The following SNTG1 variants were observed in gnomAD, a reference collection of about 807,000 sequenced individuals.
The protein encoded by SNTG1 is gamma-1-syntrophin.
In SNTG1, 39 loss-of-function variants were observed where a neutral mutation model predicts 74.7. The observed-to-expected ratio is 0.52, with a 90% CI of 0.40 to 0.68. The LOEUF is 0.68. Among genes scored for constraint, SNTG1 ranks in the 30% least tolerant of loss-of-function variants. The probability of loss-of-function intolerance (pLI) is 0.00; values close to 1 mark genes in which losing one functional copy is unlikely to be tolerated. For synonymous variants in SNTG1, 254 were observed against 217.1 expected, an observed-to-expected ratio of 1.17 and a Z score of -1.49; for missense variants, 685 against 609.5, an observed-to-expected ratio of 1.12 and a Z score of -1.30.
intron 2 of SNTG1, among the ~76,000 whole-genome samples, chr8:50,356,854 T>C (rs775732294): frequency 3.3e-5 from 5 of 152,192 alleles, no homozygotes; most frequent in African/African-American, 4.8e-5. Context: ...AAATAACTCA[T>C]TGGGATTCAT....
In SNTG1 at chr8:50,658,641, A is replaced by G; in HGVS notation, c.1016A>G (p.Glu339Gly). The change falls in exon 15 of 19, where the codon GAG (glutamate) becomes GGG (glycine). Residue 339 changes from glutamate to glycine, a missense_variant. By Grantham distance (98) the Glu-to-Gly change is moderately conservative (BLOSUM62 -2). Transcript: ENST00000642720. ...TRAEKTFSVY[E>G]IMCKILKDSD... ...GCAGAGAAAACATTCTCAGTTTATGAGATTATGTGCAAGATCCTCAAGGTA... is the reference window on the plus strand; with the variant it reads ...GCAGAGAAAACATTCTCAGTTTATGGGATTATGTGCAAGATCCTCAAGGTA... 6.2e-7 allele frequency: 1 copy of G among 1,610,666 alleles called. No homozygotes were observed. Among genetic ancestry groups the G allele is most frequent in the Non-Finnish European group, 8.5e-7 (1 of 1,177,664 alleles).
chr8:50,759,134 T>A (rs2095590001), intron 18 of SNTG1, among the ~76,000 whole-genome samples: 1 of 152,140 alleles, frequency 6.6e-6, no homozygotes, highest in African/African-American at 2.4e-5. Context: ...GTTCATATAG[T>A]TTGCCAATTT....
At chr8:50,014,241 C>T (rs1165002832) in intron 1 of SNTG1, among the ~76,000 whole-genome samples, 1 of 152,054 alleles carries the variant, frequency 6.6e-6, no homozygotes, top group African/African-American at 2.4e-5. Context: ...ATATTTTGTC[C>T]AAATCTGTAG....
chr8:50,269,423 G>T lies in SNTG1; in HGVS notation c.-28+96788G>T, dbSNP rs1563823918. ...TGATTTTATTACTGTCATAATTATG[G>T]TCATGATAGTGTATAAGTTTGCCCA... On this transcript the variant is annotated intron_variant, in intron 2 of 18. Transcript: ENST00000642720. 5.3e-5 allele frequency among the ~76,000 whole-genome samples: 8 copies of T among 152,178 alleles called. No homozygotes were observed. In the South Asian group the frequency reaches 8.3e-4, roughly 16 times the overall value.
intron 4 of SNTG1, among the ~76,000 whole-genome samples, chr8:50,424,382 A>G: frequency 6.6e-6 from 1 of 152,232 alleles, no homozygotes; most frequent in East Asian, 1.9e-4. Context: ...GAAGCTCCTC[A>G]GCATCTGTAA....
chr8:49,977,682 CAATA>C (rs373039733), intron 1 of SNTG1, among the ~76,000 whole-genome samples: 2 of 152,212 alleles, frequency 1.3e-5, no homozygotes, highest in East Asian at 3.9e-4. Flanking sequence ...TCAAAGGAGA[CAATA>C]AATAAATAAA....
chr8:50,141,592 C>T (rs1048670266), intron 1 of SNTG1, among the ~76,000 whole-genome samples: 5 of 152,088 alleles, frequency 3.3e-5, no homozygotes, highest in Non-Finnish European at 7.4e-5. Context: ...TAAAATGGAA[C>T]ATTTTGAGTA....
intron 1 of SNTG1, among the ~76,000 whole-genome samples, chr8:50,042,863 G>C (rs531950201): frequency 6.6e-6 from 1 of 152,236 alleles, no homozygotes; most frequent in South Asian, 2.1e-4. Context: ...TCTCAAAGCA[G>C]TGGGATTATA....
intron 18 of SNTG1, among the ~76,000 whole-genome samples, chr8:50,786,711 A>C (rs924140119): frequency 3.9e-5 from 6 of 151,994 alleles, no homozygotes; most frequent in Non-Finnish European, 8.8e-5. Flanking sequence ...ACTGTCTTTT[A>C]CCGTGCTTTT....
At chr8:50,135,851 A>G (rs1177142958) in intron 1 of SNTG1, among the ~76,000 whole-genome samples, 4 of 152,150 alleles carry the variant, frequency 2.6e-5, no homozygotes, top group African/African-American at 9.7e-5. Context: ...TTTGTCTCCC[A>G]GGTAACGAAC....
intron 2 of SNTG1, among the ~76,000 whole-genome samples, chr8:50,254,172 A>T (rs1350662126): frequency 6.6e-6 from 1 of 152,196 alleles, no homozygotes; most frequent in East Asian, 1.9e-4. Flanking sequence ...AAATATGTAT[A>T]ATTACAAGAT....
At chr8:50,262,222 A>G (rs1412363786) in intron 2 of SNTG1, among the ~76,000 whole-genome samples, 1 of 152,234 alleles carries the variant, frequency 6.6e-6, no homozygotes, top group Non-Finnish European at 1.5e-5. Flanking sequence ...ATGTAAATGT[A>G]TAACATTGAG....
intron 1 of SNTG1, among the ~76,000 whole-genome samples, chr8:49,980,273 C>T (rs1442560186): frequency 6.6e-6 from 1 of 152,098 alleles, no homozygotes; most frequent in Non-Finnish European, 1.5e-5. Context: ...GCCTGCTTGA[C>T]GTTGTAAAGA....
intron 11 of SNTG1, among the ~76,000 whole-genome samples, chr8:50,539,573 G>A (rs2094331738): frequency 6.6e-6 from 1 of 152,172 alleles, no homozygotes; most frequent in African/African-American, 2.4e-5. Context: ...TGATGATGGT[G>A]GGAGAGACTC....
At chr8:50,409,111 T>C (rs981008796) in intron 4 of SNTG1, among the ~76,000 whole-genome samples, 9 of 152,108 alleles carry the variant, frequency 5.9e-5, no homozygotes, top group Admixed American at 3.3e-4. Flanking sequence ...GAGTTTATAG[T>C]AGAAGTCAAG....
chr8:50,075,152 C>T (rs555152309), intron 1 of SNTG1, among the ~76,000 whole-genome samples: 8 of 152,292 alleles, frequency 5.3e-5, no homozygotes, highest in African/African-American at 7.2e-5. Flanking sequence ...CCGCCTCCCC[C>T]CTGTGGGCTC....
chr8:50,272,949 A>G (rs1011679), intron 2 of SNTG1, among the ~76,000 whole-genome samples: 95,971 of 150,902 alleles, frequency 0.64, 34,240 homozygotes, highest in East Asian at 0.88. Flanking sequence ...TCGCTATATT[A>G]CCCAGGCTGG....
chr8:50,129,761 T>A (rs1371784054), intron 1 of SNTG1, among the ~76,000 whole-genome samples: 1 of 152,166 alleles, frequency 6.6e-6, no homozygotes, highest in Non-Finnish European at 1.5e-5. Context: ...CCTTCTGTTT[T>A]CAAAGCTCAT....
intron 2 of SNTG1, among the ~76,000 whole-genome samples, chr8:50,195,924 C>T (rs2083752017): frequency 6.6e-6 from 1 of 152,142 alleles, no homozygotes. Context: ...GGAATTGCAA[C>T]TAGTCCTGCC....
Sources: allele counts gnomAD v4.1 joint callset (sites outside exome capture counted in the v4.1 genomes callset), GRCh38; gene constraint gnomAD v4.1.1; transcripts MANE v1.5; gene names NCBI Gene and HGNC (gene_info 2026-07-23, HGNC 2026-07-21).